Variants in TEX36 observed in about 807,000 individuals in gnomAD.
TEX36 encodes the protein testis-expressed protein 36.
TEX36 carries 12 observed loss-of-function variants against 13.6 expected under a neutral mutation model. The observed-to-expected ratio is 0.88, with a 90% confidence interval of 0.56 to 1.43. The LOEUF (loss-of-function observed/expected upper bound fraction) is 1.43. TEX36 is among the 40% of genes most tolerant of loss of function. TEX36 has a pLI of 0.00. For synonymous variants in TEX36, 93 were observed against 83.0 expected, an observed-to-expected ratio of 1.12 and a Z score of -0.65; for missense variants, 224 against 228.3, an observed-to-expected ratio of 0.98 and a Z score of 0.12.
intron 3 of TEX36, among the ~76,000 whole-genome samples, chr10:125,638,765 C>T (rs577682918): frequency 6.6e-6 from 1 of 152,374 alleles, no homozygotes; most frequent in African/African-American, 2.4e-5. Flanking sequence ...GCCACCCCAA[C>T]CTGCTCCCTG....
chr10:125,598,048 C>T (rs1846103156), intron 3 of TEX36, among the ~76,000 whole-genome samples: 1 of 152,148 alleles, frequency 6.6e-6, no homozygotes, highest in African/African-American at 2.4e-5. Context: ...TCCTTTATCT[C>T]CATGCCAGGG....
intron 3 of TEX36, among the ~76,000 whole-genome samples, chr10:125,588,896 G>T (rs984138551): frequency 6.6e-6 from 1 of 152,160 alleles, no homozygotes; most frequent in Non-Finnish European, 1.5e-5. Flanking sequence ...GATTGCAGGC[G>T]TGAGCCACGG....
intron 3 of TEX36, among the ~76,000 whole-genome samples, chr10:125,589,302 A>G (rs1189702595): frequency 6.6e-6 from 1 of 152,206 alleles, no homozygotes; most frequent in Non-Finnish European, 1.5e-5. Flanking sequence ...AACATCTGCA[A>G]ATAATTACCA....
exon 4 of TEX36, chr10:125,576,748 C>T (rs1172801857): frequency 5.2e-6 from 8 of 1,534,772 alleles, no homozygotes; most frequent in South Asian, 1.2e-5. Flanking sequence ...TCCCAAAGAG[C>T]TCACACTGCA....
intron 3 of TEX36, among the ~76,000 whole-genome samples, chr10:125,603,226 C>T (rs115408668): frequency 0.024 from 3,711 of 152,320 alleles, 159 homozygotes; most frequent in African/African-American, 0.083. Flanking sequence ...CCGCCAGAAA[C>T]TACAGGAAGG....
At chr10:125,582,727 G>A (rs1413384497) in intron 3 of TEX36, among the ~76,000 whole-genome samples, 6 of 152,184 alleles carry the variant, frequency 3.9e-5, no homozygotes, top group Non-Finnish European at 2.9e-5. Flanking sequence ...TCTTCTTGAA[G>A]TGGTATTTTT....
At chr10:125,666,874 C>T (rs913089003) in intron 1 of TEX36, 60 of 382,786 alleles carry the variant, frequency 1.6e-4, no homozygotes, top group Non-Finnish European at 2.6e-4. Flanking sequence ...AACACCTCCA[C>T]TTAGTAGGTA....
At chr10:125,578,770 G>A (rs1257345140) in intron 3 of TEX36, among the ~76,000 whole-genome samples, 1 of 152,140 alleles carries the variant, frequency 6.6e-6, no homozygotes, top group Non-Finnish European at 1.5e-5. Flanking sequence ...TATCCCCACA[G>A]GAGTGAGAGC....
intron 1 of TEX36, among the ~76,000 whole-genome samples, chr10:125,663,918 CCT>C (rs922035425): frequency 2.6e-5 from 4 of 152,084 alleles, no homozygotes; most frequent in East Asian, 1.9e-4. Flanking sequence ...TAGTCACCCC[CCT>C]GTCATGCTAT....
At position 125,655,946 on chromosome 10, in the gene TEX36, A is replaced by T. The variant is rs1214855892; in HGVS notation, c.515T>A (p.Val172Glu). Residue 172 changes from valine to glutamate, a missense_variant, in exon 4 of 4, where the codon GTA (valine) becomes GAA (glutamate). Physicochemically the swap from Val to Glu is moderately radical, Grantham distance 121. Transcript: ENST00000368821. ...AACCTTTTTGTCAACAGTGAACCTT[A>T]CTTTGGGCTTCTTTTTCAAAACCTC... is the stretch of plus-strand genomic sequence containing the variant. ...YTEVLKKKPK[V>E]RFTVDKKVVS... is the part of the protein sequence containing the mutation. 21 of 1,548,080 alleles carry T rather than the reference A, an allele frequency of 1.4e-5. No homozygotes were observed. The highest frequency in any genetic ancestry group is 4.1e-5 in the African/African-American group (3 of 72,844).
At chr10:125,673,710 CAAA>C (rs3064205) in intron 1 of TEX36, among the ~76,000 whole-genome samples, 5,452 of 68,246 alleles carry the variant, frequency 0.08, 119 homozygotes, top group South Asian at 0.18. Flanking sequence ...GACTCTCTCT[CAAA>C]AAAAAAAAAA....
intron 3 of TEX36, among the ~76,000 whole-genome samples, chr10:125,613,215 T>TG (rs1366613189): frequency 4.9e-5 from 6 of 123,434 alleles, no homozygotes; most frequent in African/African-American, 2.2e-4. Flanking sequence ...TTTCCCCACT[T>TG]CCTTTTTTTT....
chr10:125,605,491 T>C (rs1210439186), intron 3 of TEX36, among the ~76,000 whole-genome samples: 1 of 151,972 alleles, frequency 6.6e-6, no homozygotes, highest in Non-Finnish European at 1.5e-5. Context: ...ATACACAGCA[T>C]AGCACAGCAA....
chr10:125,601,208 G>A (rs1846141346), intron 3 of TEX36, among the ~76,000 whole-genome samples: 1 of 152,220 alleles, frequency 6.6e-6, no homozygotes, highest in Non-Finnish European at 1.5e-5. Flanking sequence ...TGTTTACAAT[G>A]TTTGAGGAAC....
chr10:125,604,980 G>T (rs1028473993), intron 3 of TEX36, among the ~76,000 whole-genome samples: 2 of 152,102 alleles, frequency 1.3e-5, no homozygotes, highest in African/African-American at 4.8e-5. Context: ...AATCATAACA[G>T]AAATAAAGTG....
At chr10:125,678,893 G>A (rs1041407923) in intron 1 of TEX36, among the ~76,000 whole-genome samples, 2 of 152,144 alleles carry the variant, frequency 1.3e-5, no homozygotes, top group African/African-American at 4.8e-5. Flanking sequence ...CCCAAAATAT[G>A]ACAGCAGGCA....
chr10:125,632,998 C>T (rs546914666), intron 3 of TEX36, among the ~76,000 whole-genome samples: 1 of 152,212 alleles, frequency 6.6e-6, no homozygotes, highest in African/African-American at 2.4e-5. Context: ...GTGTCATACG[C>T]CTGTAATCCC....
At chr10:125,617,657 C>T (rs1846376177), downstream of TEX36, among the ~76,000 whole-genome samples, 2 of 152,370 alleles carry the variant, frequency 1.3e-5, no homozygotes, top group Middle Eastern at 3.4e-3. Flanking sequence ...CAGAGATCTG[C>T]TGTTAGTCTG....
intron 3 of TEX36, among the ~76,000 whole-genome samples, chr10:125,581,284 C>T (rs1845878668): frequency 6.6e-6 from 1 of 152,132 alleles, no homozygotes; most frequent in African/African-American, 2.4e-5. Context: ...ATTCTAGTAC[C>T]GAGAAGATGC....
Sources: allele counts gnomAD v4.1 joint callset (sites outside exome capture counted in the v4.1 genomes callset), GRCh38; gene constraint gnomAD v4.1.1; transcripts MANE v1.5; gene names NCBI Gene and HGNC (gene_info 2026-07-23, HGNC 2026-07-21).